Variants in BABAM2 observed in about 807,000 individuals in gnomAD.
The protein encoded by BABAM2 is BRISC and BRCA1 A complex member 2.
Under a neutral mutation model 54.7 loss-of-function variants are expected in BABAM2, and 31 were observed. The ratio of observed to expected loss-of-function variants is 0.57; its 90% CI spans 0.43 to 0.77. BABAM2 has a LOEUF of 0.77. Among genes scored for constraint, BABAM2 ranks in the 30% least tolerant of loss-of-function variants. The pLI, the probability that BABAM2 is intolerant of heterozygous loss-of-function variation, is 0.00. For missense variants in BABAM2, 364 were observed against 455.8 expected, an observed-to-expected ratio of 0.80 and a Z score of 1.83; for synonymous variants, 167 against 162.9, an observed-to-expected ratio of 1.03 and a Z score of -0.19.
chr2:28,078,994 T>C (rs1664934191), intron 6 of BABAM2, among the ~76,000 whole-genome samples: 1 of 152,200 alleles, frequency 6.6e-6, no homozygotes, highest in Non-Finnish European at 1.5e-5. Context: ...CATGAACCAA[T>C]TTTTCAACTC....
chr2:28,326,670 G>A (rs1233911570), intron 11 of BABAM2, among the ~76,000 whole-genome samples: 5 of 152,124 alleles, frequency 3.3e-5, no homozygotes, highest in Non-Finnish European at 7.4e-5. Context: ...GGGGCCTCAG[G>A]TCAACCCCCT....
At chr2:28,151,103 T>G (rs866122288) in intron 7 of BABAM2, among the ~76,000 whole-genome samples, 57 of 152,160 alleles carry the variant, frequency 3.7e-4, no homozygotes, top group African/African-American at 1.3e-3. Context: ...AAAAGATACT[T>G]AGGATTTTTG....
chr2:28,135,135 G>A (rs1670424731), intron 7 of BABAM2, among the ~76,000 whole-genome samples: 1 of 152,344 alleles, frequency 6.6e-6, no homozygotes, highest in South Asian at 2.1e-4. Context: ...TGCTATAAGA[G>A]TTCAAGAGAG....
chr2:28,112,146 TTTACCTCCCTCCCTCCCTCCC>T (rs1668119475), intron 6 of BABAM2, among the ~76,000 whole-genome samples: 1 of 10,558 alleles, frequency 9.5e-5, no homozygotes, highest in Non-Finnish European at 1.5e-4. Context: ...TCTTTCTTTC[TTTACCTCCCTCCCTCCCTCCC>T]TCCCTCCCTC....
At position 28,338,448 on chromosome 2, in the gene BABAM2, A is replaced by G. The variant is rs1158646505; in HGVS notation, c.1089-2A>G. The stretch of plus-strand genomic sequence containing the variant: ...TTTTTTTCTCCCCTTCTTTCCCACC[A>G]GGGCTTATTTCAAAACCTTTGTCCC... On this transcript the variant is annotated splice_acceptor_variant, in intron 11 of 11. Transcript: ENST00000379624. LOFTEE classifies it high-confidence loss of function. 6.2e-7 allele frequency: 1 copy of G among 1,613,824 alleles called. No homozygotes were observed. Among genetic ancestry groups the G allele is most frequent in the Non-Finnish European group, 8.5e-7 (1 of 1,179,856 alleles).
intron 10 of BABAM2, among the ~76,000 whole-genome samples, chr2:28,250,584 C>CTTTTTTTTTTT (rs34597279): frequency 6.2e-4 from 85 of 136,808 alleles, no homozygotes; most frequent in Non-Finnish European, 7.8e-4. Context: ...ATATTTTTTT[C>CTTTTTTTTTTT]TTTTTTTTTT....
intron 3 of BABAM2, among the ~76,000 whole-genome samples, chr2:27,971,869 A>T (rs1057292198): frequency 6.6e-6 from 1 of 152,180 alleles, no homozygotes; most frequent in Non-Finnish European, 1.5e-5. Context: ...AGTTGATAAC[A>T]AATTGCAGTA....
chr2:28,073,364 G>T (rs745853816), intron 6 of BABAM2, among the ~76,000 whole-genome samples: 1 of 151,962 alleles, frequency 6.6e-6, no homozygotes, highest in Non-Finnish European at 1.5e-5. Flanking sequence ...CAGTTGTCGT[G>T]GTGTGCTTCT....
intron 11 of BABAM2, among the ~76,000 whole-genome samples, chr2:28,316,415 T>TG (rs1689562522): frequency 1.6e-4 from 1 of 6,142 alleles, no homozygotes; most frequent in African/African-American, 6.9e-4. Flanking sequence ...GGAGTGGGGG[T>TG]GGGGGTGGGG....
intron 7 of BABAM2, chr2:28,134,297 C>T (rs1290390251): frequency 1.3e-5 from 2 of 150,046 alleles, no homozygotes; most frequent in Non-Finnish European, 3.0e-5. Flanking sequence ...AAACCAGTTG[C>T]TTTTTTTTCC....
intron 3 of BABAM2, among the ~76,000 whole-genome samples, chr2:27,959,117 T>C (rs1670290624): frequency 6.6e-6 from 1 of 152,324 alleles, no homozygotes; most frequent in East Asian, 1.9e-4. Context: ...GAGTTGCTAA[T>C]TGAGTGGCAG....
At chr2:27,966,498 T>C (rs1488295588) in intron 3 of BABAM2, among the ~76,000 whole-genome samples, 1 of 152,256 alleles carries the variant, frequency 6.6e-6, no homozygotes, top group African/African-American at 2.4e-5. Context: ...CAGGAGCCTC[T>C]GCATGATGGC....
chr2:27,954,649 T>G (rs952791425), intron 3 of BABAM2, among the ~76,000 whole-genome samples: 21 of 152,212 alleles, frequency 1.4e-4, no homozygotes, highest in African/African-American at 4.8e-4. Flanking sequence ...TCATCCTTTT[T>G]CTTGGAGCAT....
At chr2:27,955,113 G>C (rs1267584698) in intron 3 of BABAM2, among the ~76,000 whole-genome samples, 4 of 152,174 alleles carry the variant, frequency 2.6e-5, no homozygotes, top group Non-Finnish European at 4.4e-5. Context: ...TCCTACAAAG[G>C]AAGATGATGA....
intron 6 of BABAM2, among the ~76,000 whole-genome samples, chr2:28,093,878 C>A (rs986437470): frequency 1.3e-5 from 2 of 152,072 alleles, no homozygotes; most frequent in Admixed American, 1.3e-4. Flanking sequence ...AATATTTGGA[C>A]CAAACGTAAG....
In BABAM2 at chr2:28,112,171, C is replaced by CT. The variant is rs1668149094; in HGVS notation, c.571-17099dup. Among the ~76,000 whole-genome samples the CT allele has an allele frequency of 2.9e-4, 12 of 41,474 alleles. 1 individual carries two copies. Among genetic ancestry groups the CT allele is most frequent in the Admixed American group, 4.9e-4 (2 of 4,082 alleles). 27.2% of individuals were successfully genotyped at this position (41,474 alleles called of 152,430 possible). On this transcript the variant is annotated intron_variant, in intron 6 of 11. Transcript: ENST00000379624. Reference sequence around the variant, plus strand: ...TTTACCTCCCTCCCTCCCTCCCTCCCTCCCTCCCTCCCTCCCTCCCTCCCT... The same window carrying CT: ...TTTACCTCCCTCCCTCCCTCCCTCCCTTCCCTCCCTCCCTCCCTCCCTCCCT...
At chr2:28,253,463 A>C (rs77108973) in intron 10 of BABAM2, among the ~76,000 whole-genome samples, 1 of 152,004 alleles carries the variant, frequency 6.6e-6, no homozygotes. Flanking sequence ...AGTACTTTGC[A>C]TATGTTATGT....
intron 7 of BABAM2, among the ~76,000 whole-genome samples, chr2:28,195,497 A>G (rs1209099050): frequency 2.0e-5 from 3 of 152,240 alleles, no homozygotes; most frequent in Non-Finnish European, 4.4e-5. Context: ...TTTAAAGGAC[A>G]TGAGGACAGT....
At chr2:28,081,090 A>T (rs966099947) in intron 6 of BABAM2, among the ~76,000 whole-genome samples, 2 of 152,208 alleles carry the variant, frequency 1.3e-5, no homozygotes, top group African/African-American at 4.8e-5. Context: ...GTGAAGCAAT[A>T]ATGAGCCTAC....
Sources: allele counts gnomAD v4.1 joint callset (sites outside exome capture counted in the v4.1 genomes callset), GRCh38; gene constraint gnomAD v4.1.1; transcripts MANE v1.5; gene names NCBI Gene and HGNC (gene_info 2026-07-23, HGNC 2026-07-21).